Variants in SDK1 observed in about 807,000 individuals in gnomAD.
SDK1 encodes protein sidekick-1.
In SDK1, 157 loss-of-function variants were observed where a neutral mutation model predicts 245.5. The observed-to-expected ratio is 0.64, with a 90% confidence interval of 0.56 to 0.73. The LOEUF is 0.73. Among genes scored for constraint, SDK1 ranks in the 30% least tolerant of loss-of-function variants. The pLI is 0.00. For synonymous variants in SDK1, 1,647 were observed against 1,278.5 expected (o/e 1.29, Z -6.15); for missense variants, 3,583 against 3,002.3 (o/e 1.19, Z -4.52).
At chr7:3,463,543 T>TAGTGCCAGCCCATGGGA (rs58819293) in intron 1 of SDK1, among the ~76,000 whole-genome samples, 31,037 of 152,104 alleles carry the variant, frequency 0.2, 6,002 homozygotes, top group African/African-American at 0.51. Context: ...GTGCATAATT[T>TAGTGCCAGCCCATGGGA]AGTGCCAGTA....
At chr7:3,901,123 C>CTTCAGTCT (rs1428548014) in intron 5 of SDK1, among the ~76,000 whole-genome samples, 88 of 152,282 alleles carry the variant, frequency 5.8e-4, no homozygotes, top group African/African-American at 1.9e-3. Flanking sequence ...GCAGAATGTC[C>CTTCAGTCT]TTCAGTCTTG....
intron 22 of SDK1, among the ~76,000 whole-genome samples, chr7:4,090,136 T>C (rs1481399191): frequency 1.3e-5 from 2 of 152,198 alleles, no homozygotes; most frequent in East Asian, 3.8e-4. Flanking sequence ...CCGTTGTTAG[T>C]CCAGTTATTT....
In SDK1 at chr7:3,849,430, A is replaced by G. The variant is rs539548831; in HGVS notation, c.847+27847A>G. ...TTAGAATGGAATTTGTATAGTTTCT[A>G]ATGGCAAGAAATTAGACTTCCTGGA... On this transcript the variant is annotated intron_variant, in intron 5 of 44. Transcript: ENST00000404826. Among the ~76,000 whole-genome samples the G allele has an allele frequency of 2.8e-3, 434 of 152,326 alleles. 3 individuals are homozygous for G. Among genetic ancestry groups the G allele is most frequent in the African/African-American group, 0.01 (422 of 41,570 alleles).
chr7:3,882,474 A>G (rs1253123964), intron 5 of SDK1, among the ~76,000 whole-genome samples: 1 of 152,106 alleles, frequency 6.6e-6, no homozygotes, highest in Non-Finnish European at 1.5e-5. Flanking sequence ...GACCCCAAAC[A>G]CTGATTCTTT....
intron 1 of SDK1, among the ~76,000 whole-genome samples, chr7:3,549,011 G>A (rs765327892): frequency 3.3e-5 from 5 of 152,120 alleles, no homozygotes; most frequent in Non-Finnish European, 7.4e-5. Flanking sequence ...GAGGTGAGGC[G>A]CCCCCCTTCC....
chr7:4,012,148 G>T lies in SDK1; in HGVS notation c.2333G>T (p.Ser778Ile), dbSNP rs1194621845. Residue 778 changes from serine (S) to isoleucine (I), a missense_variant, in exon 16 of 45, where the codon AGT becomes ATT. By Grantham distance (142) the Ser-to-Ile change is moderately radical. Transcript: ENST00000404826. ...PSAPPKNIVA[S>I]GRTNQSIMVQ... ...GCTCCCCCGAAAAATATAGTGGCCA[G>T]TGGGCGGACTAATCAGTCCATTATG... The T allele has an allele frequency of 6.3e-7, 1 of 1,578,954 alleles. No homozygotes were observed. Among genetic ancestry groups the T allele is most frequent in the African/African-American group, 1.4e-5 (1 of 73,092 alleles).
At chr7:3,743,531 A>G (rs568999263) in intron 4 of SDK1, among the ~76,000 whole-genome samples, 10 of 152,320 alleles carry the variant, frequency 6.6e-5, no homozygotes, top group Admixed American at 6.5e-4. Flanking sequence ...AAATGCACTT[A>G]TACCCTCCAG....
At chr7:3,884,300 G>T (rs1225198353) in intron 5 of SDK1, among the ~76,000 whole-genome samples, 1 of 152,086 alleles carries the variant, frequency 6.6e-6, no homozygotes, top group Non-Finnish European at 1.5e-5. Context: ...TGTCCCACTA[G>T]ACTGAGGCTC....
At chr7:3,564,854 T>G (rs934551849) in intron 1 of SDK1, among the ~76,000 whole-genome samples, 1 of 152,090 alleles carries the variant, frequency 6.6e-6, no homozygotes, top group African/African-American at 2.4e-5. Flanking sequence ...CTGAAGTTAA[T>G]GAAACCTCGA....
At chr7:3,879,045 C>T (rs1163105151) in intron 5 of SDK1, among the ~76,000 whole-genome samples, 4 of 152,146 alleles carry the variant, frequency 2.6e-5, no homozygotes, top group Non-Finnish European at 4.4e-5. Context: ...ATCCGACAGT[C>T]AGTAATTTCT....
At chr7:3,815,000 A>G (rs1221338711) in intron 4 of SDK1, among the ~76,000 whole-genome samples, 2 of 149,700 alleles carry the variant, frequency 1.3e-5, no homozygotes, top group African/African-American at 2.5e-5. Flanking sequence ...TTATCAGCTT[A>G]AGGAGATTTT....
chr7:3,611,044 A>G (rs1039620690), intron 1 of SDK1, among the ~76,000 whole-genome samples: 3 of 152,216 alleles, frequency 2.0e-5, no homozygotes, highest in Non-Finnish European at 2.9e-5. Flanking sequence ...TATTCTTTCA[A>G]TTGTAGCTGC....
chr7:3,951,786 G>A lies in SDK1; in HGVS notation c.1016G>A (p.Gly339Asp). The change falls in exon 7 of 45, where the codon GGC (glycine) becomes GAC (aspartate). Residue 339 changes from glycine (G) to aspartate (D), a missense_variant. Transcript: ENST00000404826. ...AGGAATGGAGTGAGAATCACCAGTG[G>A]CCTCCACAGCTTTGGAAGACGCCTC... Reference protein sequence around the residue: ...WKRNGVRITSGLHSFGRRLTI... With the variant: ...WKRNGVRITSDLHSFGRRLTI... 1.2e-6 allele frequency: 2 copies of A among 1,613,906 alleles called. No individual in the cohort carries two copies. Among genetic ancestry groups the A allele is most frequent in the Non-Finnish European group, 1.7e-6 (2 of 1,180,030 alleles).
intron 30 of SDK1, among the ~76,000 whole-genome samples, chr7:4,150,667 G>T (rs530136576): frequency 1.3e-5 from 2 of 152,338 alleles, no homozygotes; most frequent in South Asian, 4.1e-4. Flanking sequence ...GGTCCCAGGT[G>T]AAGCCCCTGG....
chr7:4,148,986 A>C (rs1232426827), intron 29 of SDK1, among the ~76,000 whole-genome samples: 1 of 152,156 alleles, frequency 6.6e-6, no homozygotes, highest in Non-Finnish European at 1.5e-5. Context: ...AACCCAGGAG[A>C]CAGAGGTTGT....
At chr7:3,560,436 T>A (rs1033753319) in intron 1 of SDK1, among the ~76,000 whole-genome samples, 2 of 152,204 alleles carry the variant, frequency 1.3e-5, no homozygotes, top group African/African-American at 2.4e-5. Context: ...TGTTTTTTTT[T>A]AAACTTATAT....
intron 13 of SDK1, among the ~76,000 whole-genome samples, chr7:3,980,461 T>G (rs934655322): frequency 1.5e-4 from 23 of 152,234 alleles, no homozygotes; most frequent in African/African-American, 5.5e-4. Flanking sequence ...TCACTGTCTG[T>G]GAGTCACTCT....
intron 1 of SDK1, among the ~76,000 whole-genome samples, chr7:3,432,053 G>T (rs1779862667): frequency 6.7e-6 from 1 of 150,206 alleles, no homozygotes; most frequent in African/African-American, 2.4e-5. Flanking sequence ...ATAAAATTAT[G>T]ACAATAACTC....
intron 5 of SDK1, among the ~76,000 whole-genome samples, chr7:3,871,290 A>C (rs1169965443): frequency 6.6e-6 from 1 of 152,064 alleles, no homozygotes; most frequent in African/African-American, 2.4e-5. Flanking sequence ...TGCTAAACTC[A>C]TTTATTATTT....
Sources: allele counts gnomAD v4.1 joint callset (sites outside exome capture counted in the v4.1 genomes callset), GRCh38; gene constraint gnomAD v4.1.1; transcripts MANE v1.5; gene names NCBI Gene and HGNC (gene_info 2026-07-23, HGNC 2026-07-21).